ANKIB1: variants seen among roughly 807,000 people sequenced by gnomAD.
ANKIB1 encodes the protein ankyrin repeat and IBR domain containing 1, also known as ankyrin repeat and IBR domain-containing protein 1.
Under a neutral mutation model 122.1 loss-of-function variants are expected in ANKIB1, and 43 were observed. The observed-to-expected ratio is 0.35, with a 90% CI of 0.28 to 0.45. The LOEUF is 0.45. ANKIB1 is among the 20% of genes least tolerant of loss of function. The pLI is 1.00. For synonymous variants in ANKIB1, 390 were observed against 442.0 expected, an observed-to-expected ratio of 0.88 and a Z score of 1.48; for missense variants, 992 against 1,329.5, an observed-to-expected ratio of 0.75 and a Z score of 3.95.
At chr7:92,303,167 C>T (rs189212213) in intron 2 of ANKIB1, among the ~76,000 whole-genome samples, 1 of 152,246 alleles carries the variant, frequency 6.6e-6, no homozygotes, top group Admixed American at 6.5e-5. Context: ...ACAGAAGTAA[C>T]ACAAATTGAG....
intron 5 of ANKIB1, among the ~76,000 whole-genome samples, chr7:92,338,933 A>AAAAATATATAT (rs1562786305): frequency 4.6e-5 from 1 of 21,918 alleles, no homozygotes; most frequent in Non-Finnish European, 8.0e-5. Context: ...AAAAAAAAAA[A>AAAAATATATAT]ATATATATAT....
intron 10 of ANKIB1, among the ~76,000 whole-genome samples, chr7:92,363,580 T>C (rs1804001469): frequency 1.3e-5 from 2 of 151,900 alleles, no homozygotes; most frequent in African/African-American, 4.8e-5. Flanking sequence ...CAAACTCAGG[T>C]TGGGGGAAGA....
At chr7:92,320,585 T>G (rs923451657) in intron 4 of ANKIB1, among the ~76,000 whole-genome samples, 2 of 152,190 alleles carry the variant, frequency 1.3e-5, no homozygotes, top group Non-Finnish European at 2.9e-5. Context: ...CCTCACATTT[T>G]CTTAATCATC....
intron 1 of ANKIB1, among the ~76,000 whole-genome samples, chr7:92,265,049 C>A (rs1408561249): frequency 6.6e-6 from 1 of 152,154 alleles, no homozygotes; most frequent in Non-Finnish European, 1.5e-5. Context: ...TATCATATCT[C>A]ACTATAACGT....
In ANKIB1 at chr7:92,398,584, C is replaced by T; in HGVS notation, c.2905C>T (p.Leu969Phe). ...CCAGGACCCCAACATCAATGACAAT[C>T]TTCTCGGCAACATCATGGCTTGGTT... ...AGQDPNINDN[L>F]LGNIMAWFHD... Residue 969 changes from leucine to phenylalanine, a missense_variant, in exon 20 of 20, where the codon CTT becomes TTT. This residue lies in a region of ANKIB1 where 384 missense variants were observed against 412.0 expected (regional missense o/e 0.93). Coordinates refer to ENST00000265742, the MANE Select transcript of ANKIB1 (RefSeq NM_019004.2). 1 of 1,614,004 alleles carries T rather than the reference C, an allele frequency of 6.2e-7. No individual in the cohort carries two copies. The highest frequency in any genetic ancestry group is 8.5e-7 in the Non-Finnish European group (1 of 1,179,872).
At chr7:92,373,725 G>A (rs1367874610) in intron 11 of ANKIB1, among the ~76,000 whole-genome samples, 3 of 152,110 alleles carry the variant, frequency 2.0e-5, no homozygotes, top group South Asian at 2.1e-4. Context: ...TTGGTAAATC[G>A]TAACATACCT....
intron 8 of ANKIB1, among the ~76,000 whole-genome samples, chr7:92,352,024 C>T (rs942476541): frequency 6.6e-6 from 1 of 151,868 alleles, no homozygotes; most frequent in East Asian, 1.9e-4. Flanking sequence ...CCCAACCCCC[C>T]TCTTTAACAT....
chr7:92,341,843 T>A (rs1031005839), intron 5 of ANKIB1, among the ~76,000 whole-genome samples: 2 of 152,210 alleles, frequency 1.3e-5, no homozygotes, highest in African/African-American at 2.4e-5. Flanking sequence ...GAGCCATAGC[T>A]CCTAGTTAAC....
intron 1 of ANKIB1, among the ~76,000 whole-genome samples, chr7:92,281,774 GT>G (rs1802016153): frequency 6.6e-6 from 1 of 152,158 alleles, no homozygotes; most frequent in African/African-American, 2.4e-5. Flanking sequence ...TTCTTTTCCA[GT>G]GAATATAATC....
At chr7:92,375,190 GC>G (rs1804354011) in intron 11 of ANKIB1, among the ~76,000 whole-genome samples, 1 of 152,224 alleles carries the variant, frequency 6.6e-6, no homozygotes, top group Non-Finnish European at 1.5e-5. Flanking sequence ...CTGATGGAGA[GC>G]CTTGCCTCAG....
intron 11 of ANKIB1, among the ~76,000 whole-genome samples, chr7:92,386,041 G>A (rs904257149): frequency 6.6e-6 from 1 of 152,168 alleles, no homozygotes; most frequent in Non-Finnish European, 1.5e-5. Context: ...TGGTAATTAA[G>A]TTGGAATTTA....
At position 92,294,922 on chromosome 7, in the gene ANKIB1, T is replaced by A. The variant is rs1435819252; in HGVS notation, c.-57T>A. 1.5e-5 allele frequency: 20 copies of A among 1,338,434 alleles called. No homozygotes were observed. The highest frequency in any genetic ancestry group is 1.9e-5 in the Non-Finnish European group (19 of 983,506). 82.9% of individuals were successfully genotyped at this position (1,338,434 alleles called of 1,614,324 possible). Reference sequence around the variant, plus strand: ...AGATGTTGCAGAAGTGTTCCAGAAGTGGCTGAAGATAGAAGGAAAAAAGTG... The same window carrying A: ...AGATGTTGCAGAAGTGTTCCAGAAGAGGCTGAAGATAGAAGGAAAAAAGTG... On this transcript the variant is annotated 5_prime_UTR_variant, in exon 2 of 20. Transcript: ENST00000265742.
At chr7:92,378,642 A>C (rs1339596236) in intron 11 of ANKIB1, among the ~76,000 whole-genome samples, 1 of 152,182 alleles carries the variant, frequency 6.6e-6, no homozygotes, top group Non-Finnish European at 1.5e-5. Flanking sequence ...AACAAGATGA[A>C]GATATTTTTC....
At chr7:92,394,857 C>T (rs1804852821) in intron 17 of ANKIB1, among the ~76,000 whole-genome samples, 1 of 152,156 alleles carries the variant, frequency 6.6e-6, no homozygotes, top group Non-Finnish European at 1.5e-5. Context: ...CCTCCCACTT[C>T]TTAAGAGTCC....
At chr7:92,375,041 G>C (rs1183568856) in intron 11 of ANKIB1, among the ~76,000 whole-genome samples, 1 of 150,086 alleles carries the variant, frequency 6.7e-6, no homozygotes, top group Non-Finnish European at 1.5e-5. Context: ...GCATATAAAA[G>C]TTTAACTGTA....
At chr7:92,368,735 T>C (rs1275854882) in intron 10 of ANKIB1, among the ~76,000 whole-genome samples, 1 of 150,862 alleles carries the variant, frequency 6.6e-6, no homozygotes, top group South Asian at 2.1e-4. Context: ...AAAAAAAAAA[T>C]GTATGTATAA....
At chr7:92,316,830 A>G (rs962393805) in intron 3 of ANKIB1, among the ~76,000 whole-genome samples, 1 of 152,172 alleles carries the variant, frequency 6.6e-6, no homozygotes, top group African/African-American at 2.4e-5. Context: ...AGCTTCTTAA[A>G]TTTTGTTGTC....
intron 1 of ANKIB1, among the ~76,000 whole-genome samples, chr7:92,281,473 A>G (rs1802011398): frequency 6.6e-6 from 1 of 152,222 alleles, no homozygotes; most frequent in Admixed American, 6.5e-5. Context: ...GAAGCCTGCT[A>G]TGTTAACTCT....
At position 92,398,500 on chromosome 7, in the gene ANKIB1, C is replaced by G. The variant is rs755227139; in HGVS notation, c.2821C>G (p.Pro941Ala). The change falls in exon 20 of 20, where the codon CCT becomes GCT. Residue 941 changes from proline (P) to alanine (A), a missense_variant. By Grantham distance (27) the Pro-to-Ala change is conservative. Around this residue, in one of 4 missense-constraint regions of ANKIB1, gnomAD observed 384 missense variants for 412.0 expected, o/e 0.93. Transcript: ENST00000265742. ...TTCAACTGACACCCTGAGCTCACAC[C>G]CTCTCAGTGAGGCAAGAAGTGATTT... ...PFSTDTLSSH[P>A]LSEARSDFCP... 1 of 1,613,904 alleles carries G rather than the reference C, an allele frequency of 6.2e-7. No homozygotes were observed. Among genetic ancestry groups the G allele is most frequent in the Non-Finnish European group, 8.5e-7 (1 of 1,179,866 alleles).
Sources: gnomAD v4.1 joint callset for allele counts (sites outside exome capture counted in the v4.1 genomes callset) on GRCh38, gnomAD v4.1.1 for gene constraint, gnomAD v4.1.1 regional missense constraint, MANE v1.5 for transcripts, NCBI Gene and HGNC (gene_info 2026-07-23, HGNC 2026-07-21) for gene names.